Variants in BIRC6 observed in about 807,000 individuals in gnomAD.
The protein encoded by BIRC6 is baculoviral IAP repeat containing 6, also known as dual E2 ubiquitin-conjugating enzyme/E3 ubiquitin-protein ligase BIRC6.
BIRC6 carries 98 observed loss-of-function variants against 503.3 expected under a neutral mutation model. The observed-to-expected ratio is 0.19, with a 90% CI of 0.17 to 0.23. The LOEUF is 0.23. Among genes scored for constraint, BIRC6 ranks in the 10% least tolerant of loss-of-function variants. The pLI, the probability that BIRC6 is intolerant of heterozygous loss-of-function variation, is 1.00. For missense variants in BIRC6, 5,360 were observed against 5,806.0 expected (o/e 0.92, Z 2.50); for synonymous variants, 2,240 against 2,078.7 (o/e 1.08, Z -2.11).
chr2:32,395,423 A>C (rs914730275), intron 5 of BIRC6, 88 bp from the exon 6 acceptor site: 2 of 1,069,670 alleles, frequency 1.9e-6, no homozygotes, highest in Non-Finnish European at 2.7e-6. Context: ...TTTTACTTAA[A>C]ATTATGAACT....
At position 32,510,589 on chromosome 2, in the gene BIRC6, T is replaced by C. The variant is rs1255544677; in HGVS notation, c.10301T>C (p.Ile3434Thr). The change falls in exon 53 of 74, where the codon ATT becomes ACT. Residue 3434 changes from isoleucine to threonine, a missense_variant. Physicochemically the swap from Ile to Thr is moderately conservative, Grantham distance 89. Coordinates refer to ENST00000421745, the MANE Select transcript of BIRC6 (RefSeq NM_016252.4). Reference protein sequence around the residue: ...NGLSSDSTIDILYQLGTTQDP... With the variant: ...NGLSSDSTIDTLYQLGTTQDP... The stretch of plus-strand genomic sequence containing the variant: ...CTCTCTTCTGACTCTACGATAGATA[T>C]TCTTTACCAGCTTGGAACAACTCAG... 1 of 1,610,226 alleles carries C rather than the reference T, an allele frequency of 6.2e-7. No homozygotes were observed. The highest frequency in any genetic ancestry group is 8.5e-7 in the Non-Finnish European group (1 of 1,176,580).
chr2:32,415,741 A>G lies in BIRC6; in HGVS notation c.2450A>G (p.Gln817Arg). Residue 817 changes from glutamine to arginine, a missense_variant, in exon 10 of 74, where the codon CAG becomes CGG. Around this residue, in one of 16 missense-constraint regions of BIRC6, gnomAD observed 700 missense variants for 739.3 expected, o/e 0.95. Coordinates refer to ENST00000421745, the MANE Select transcript of BIRC6 (RefSeq NM_016252.4). ...VQTPLIIQPE[Q>R]RNVSGGYLVL... ...ACTCCTTTAATAATTCAGCCTGAGCAGAGGAATGTTAGTGGTGGATATTTA... is the reference window on the plus strand; with the variant it reads ...ACTCCTTTAATAATTCAGCCTGAGCGGAGGAATGTTAGTGGTGGATATTTA... The G allele has an allele frequency of 1.2e-6, 2 of 1,613,838 alleles. No homozygotes were observed. The highest frequency in any genetic ancestry group is 1.7e-6 in the Non-Finnish European group (2 of 1,179,830).
rs2061780049 is a variant in BIRC6 at position 32,597,958 on chromosome 2, A to G, written c.13820A>G (p.Asp4607Gly). ...VFVRCDEERL[D>G]IMKVLITGPA... is the part of the protein sequence containing the mutation. ...GTACGCTGTGATGAGGAGCGACTTG[A>G]TATCATGAAGGTAAAAAATAATGAT... Residue 4607 changes from aspartate to glycine, a missense_variant, in exon 69 of 74, where the codon GAT becomes GGT. Physicochemically the swap from Asp to Gly is moderately conservative, Grantham distance 94. Coordinates refer to ENST00000421745, the MANE Select transcript of BIRC6 (RefSeq NM_016252.4). The G allele has an allele frequency of 6.2e-7, 1 of 1,610,776 alleles. No homozygotes were observed. Among genetic ancestry groups the G allele is most frequent in the South Asian group, 1.1e-5 (1 of 90,962 alleles).
intron 65 of BIRC6, among the ~76,000 whole-genome samples, chr2:32,554,772 G>A (rs2058663550): frequency 2.6e-5 from 4 of 151,152 alleles, no homozygotes; most frequent in Admixed American, 2.6e-4. Flanking sequence ...TGTTACCTTT[G>A]GATATGTTTC....
At chr2:32,606,920 T>C (rs1425002277) in intron 71 of BIRC6, among the ~76,000 whole-genome samples, 1 of 151,172 alleles carries the variant, frequency 6.6e-6, no homozygotes, top group Non-Finnish European at 1.5e-5. Context: ...GACAGGAGAA[T>C]CGCTTGAATC....
intron 61 of BIRC6, among the ~76,000 whole-genome samples, chr2:32,538,574 AAAACT>A (rs1249175525): frequency 1.3e-5 from 2 of 152,364 alleles, no homozygotes; most frequent in Non-Finnish European, 1.5e-5. Flanking sequence ...TCTGCTAAAC[AAAACT>A]AAACACACTG....
intron 30 of BIRC6, among the ~76,000 whole-genome samples, 199 bp downstream of exon 30, chr2:32,469,813 T>C (rs1299515083): frequency 6.6e-6 from 1 of 152,214 alleles, no homozygotes; most frequent in African/African-American, 2.4e-5. Flanking sequence ...GTCTACTCTT[T>C]AGTTTTCTAA....
intron 1 of BIRC6, among the ~76,000 whole-genome samples, chr2:32,375,029 C>T (rs912280472): frequency 1.2e-4 from 19 of 152,066 alleles, no homozygotes; most frequent in Admixed American, 2.6e-4. Context: ...TTTGTGTAAT[C>T]AGCCTTTTAT....
At chr2:32,534,902 A>G (rs1168761436) in intron 61 of BIRC6, among the ~76,000 whole-genome samples, 2 of 151,902 alleles carry the variant, frequency 1.3e-5, no homozygotes, top group African/African-American at 4.8e-5. Flanking sequence ...AGTATTGAGA[A>G]GAAGAAAAAT....
chr2:32,431,054 C>T lies in BIRC6; in HGVS notation c.3212C>T (p.Ala1071Val). 1.2e-6 allele frequency: 2 copies of T among 1,613,062 alleles called. No homozygotes were observed. The highest frequency in any genetic ancestry group is 1.7e-6 in the Non-Finnish European group (2 of 1,179,454). Reference sequence around the variant, plus strand: ...CATCAGCAACACCATGGTGATGCTGCTCAGCATACTCGAACTTGGAAACTA... The same window carrying T: ...CATCAGCAACACCATGGTGATGCTGTTCAGCATACTCGAACTTGGAAACTA... Reference protein sequence around the residue: ...HLHQQHHGDAAQHTRTWKLQT... With the variant: ...HLHQQHHGDAVQHTRTWKLQT... The change falls in exon 12 of 74, where the codon GCT becomes GTT. Residue 1071 changes from alanine to valine, a missense_variant. Ala to Val is a moderately conservative substitution (Grantham distance 64). Around this residue, in one of 16 missense-constraint regions of BIRC6, gnomAD observed 8 missense variants for 29.3 expected, o/e 0.27. Transcript: ENST00000421745.
chr2:32,558,333 ATACT>A (rs1454745155), intron 65 of BIRC6, among the ~76,000 whole-genome samples: 1 of 152,182 alleles, frequency 6.6e-6, no homozygotes, highest in Non-Finnish European at 1.5e-5. Context: ...AAAACTACAC[ATACT>A]TAGTGTATAC....
chr2:32,464,642 A>T lies in BIRC6; in HGVS notation c.5075A>T (p.Asp1692Val). The part of the protein sequence containing the change: ...AAPGFFIHPS[D>V]VIPPTPKTTP... ...CCTGGATTCTTCATTCATCCATCTG[A>T]TGTTATTCCACCCACTCCAAAAACA... The change falls in exon 25 of 74, where the codon GAT becomes GTT. Residue 1692 changes from aspartate to valine, a missense_variant. By Grantham distance (152) the Asp-to-Val change is radical. Around this residue, in one of 16 missense-constraint regions of BIRC6, gnomAD observed 2,299 missense variants for 2,267.2 expected, o/e 1.01. Coordinates refer to ENST00000421745, the MANE Select transcript of BIRC6 (RefSeq NM_016252.4). The T allele has an allele frequency of 6.2e-7, 1 of 1,613,912 alleles. No homozygotes were observed. The highest frequency in any genetic ancestry group is 8.5e-7 in the Non-Finnish European group (1 of 1,179,872).
At chr2:32,569,186 G>A (rs999132547) in intron 65 of BIRC6, among the ~76,000 whole-genome samples, 3 of 151,672 alleles carry the variant, frequency 2.0e-5, no homozygotes, top group Admixed American at 1.3e-4. Context: ...ATGGGGTTTC[G>A]CCGTGTTGAC....
At chr2:32,499,526 T>G in intron 45 of BIRC6, 21 bp from the exon 46 acceptor site, 1 of 1,312,156 alleles carries the variant, frequency 7.6e-7, no homozygotes, top group Non-Finnish European at 1.0e-6. Flanking sequence ...TTTTTCTGTC[T>G]CTCTCTCTCT....
At chr2:32,525,811 C>T (rs1300820463) in intron 59 of BIRC6, among the ~76,000 whole-genome samples, 183 bp downstream of exon 59, 3 of 152,160 alleles carry the variant, frequency 2.0e-5, no homozygotes, top group Non-Finnish European at 4.4e-5. Flanking sequence ...TAATCTATTA[C>T]GTATCCTTTT....
intron 23 of BIRC6, among the ~76,000 whole-genome samples, chr2:32,462,845 A>G: frequency 6.6e-6 from 1 of 151,488 alleles, no homozygotes; most frequent in East Asian, 2.0e-4. Flanking sequence ...AATCCCAGCT[A>G]CTCAGGAGGC....
chr2:32,381,347 C>G (rs930834444), intron 3 of BIRC6, among the ~76,000 whole-genome samples: 1 of 152,128 alleles, frequency 6.6e-6, no homozygotes, highest in African/African-American at 2.4e-5. Flanking sequence ...TCAAGTGATT[C>G]TCCTGCCTCA....
Position 32,531,538 on chromosome 2 carries a change from A to T in BIRC6, c.12278A>T (p.Glu4093Val). The T allele has an allele frequency of 6.2e-7, 1 of 1,611,298 alleles. No homozygotes were observed. The highest frequency in any genetic ancestry group is 8.5e-7 in the Non-Finnish European group (1 of 1,178,458). Residue 4093 changes from glutamate (E) to valine (V), a missense_variant, in exon 61 of 74, where the codon GAA (glutamate) becomes GTA (valine). Physicochemically the swap from Glu to Val is moderately radical, Grantham distance 121. Coordinates refer to ENST00000421745, the MANE Select transcript of BIRC6 (RefSeq NM_016252.4). ...GAAAGACTACCCATGCTATATCCAG[A>T]AGTAATTCAACAGGTAAGATAAGAT... is the stretch of plus-strand genomic sequence containing the variant. The part of the protein sequence containing the change: ...IAERLPMLYP[E>V]VIQQVSAPVV...
chr2:32,498,728 C>T (rs2052794116), intron 45 of BIRC6, among the ~76,000 whole-genome samples: 1 of 152,146 alleles, frequency 6.6e-6, no homozygotes, highest in East Asian at 1.9e-4. Context: ...GCTGGGATTA[C>T]AGGCCCATCA....
Sources: allele counts gnomAD v4.1 joint callset (sites outside exome capture counted in the v4.1 genomes callset), GRCh38; gene constraint gnomAD v4.1.1; regional missense constraint gnomAD v4.1.1; transcripts MANE v1.5; gene names NCBI Gene and HGNC (gene_info 2026-07-23, HGNC 2026-07-21).